The following ECE2 variants were observed in gnomAD, a reference collection of about 807,000 sequenced individuals.
The protein encoded by ECE2 is endothelin-converting enzyme 2.
ECE2 carries 81 observed loss-of-function variants against 100.6 expected under a neutral mutation model. That is an observed-to-expected ratio of 0.81 (90% CI 0.67 to 0.97). The LOEUF (loss-of-function observed/expected upper bound fraction) is 0.97. Among genes scored for constraint, ECE2 ranks in the 50% least tolerant of loss-of-function variants. ECE2 has a pLI of 0.00. For missense variants in ECE2, 911 were observed against 988.1 expected, an observed-to-expected ratio of 0.92 and a Z score of 1.05; for synonymous variants, 391 against 391.5, an observed-to-expected ratio of 1.00 and a Z score of 0.02.
rs187342611 is a variant in ECE2 at position 184,291,531 on chromosome 3, G to A, written c.2121+92G>A. The A allele has an allele frequency of 1.7e-5, 21 of 1,238,274 alleles. No individual in the cohort carries two copies. Among genetic ancestry groups the A allele is most frequent in the Middle Eastern group, 2.0e-4 (1 of 5,030 alleles). The allele number at this position is 1,238,274 out of a possible 1,614,324, so 76.7% of individuals were successfully genotyped here. A position where few individuals can be genotyped will look rare whatever the true frequency, so the allele number is the denominator to read the frequency against. ...GAGAACTCTGGGGCACGTGTCAAAC[G>A]GGCTGGTGAATGGGGCTGAGGCTGG... On this transcript the variant is annotated intron_variant, in intron 18 of 18. Coordinates refer to ENST00000404464, the MANE Select transcript of ECE2 (RefSeq NM_001100121.2). This position sits in a 1 kb window ranked among gnomAD's most constrained non-coding sequence, Gnocchi z 4.1.
chr3:184,284,860 T>C, intron 8 of ECE2, 103 bp from the exon 9 acceptor site: 3 of 1,453,160 alleles, frequency 2.1e-6, no homozygotes, highest in Non-Finnish European at 2.8e-6. Flanking sequence ...CCAGTAGTTG[T>C]TGCTATGGCA....
At chr3:184,277,087 C>T in intron 3 of ECE2, 60 bp downstream of exon 3, 4 of 1,608,532 alleles carry the variant, frequency 2.5e-6, no homozygotes, top group Non-Finnish European at 3.4e-6. Flanking sequence ...GGCCTAAGGG[C>T]CTCTAAGATT....
At chr3:184,280,854 C>G (rs1400756112) in intron 7 of ECE2, among the ~76,000 whole-genome samples, 1 of 152,046 alleles carries the variant, frequency 6.6e-6, no homozygotes, top group Non-Finnish European at 1.5e-5. Flanking sequence ...TGGCGGGTGC[C>G]TGTAATCCCA....
intron 7 of ECE2, among the ~76,000 whole-genome samples, chr3:184,279,458 C>T (rs776437501): frequency 4.0e-5 from 6 of 151,744 alleles, no homozygotes; most frequent in Non-Finnish European, 8.8e-5. Flanking sequence ...GAGTTCAAGA[C>T]CAGGCTGGCC....
Position 184,277,276 on chromosome 3 carries a change from A to ATTC in ECE2, c.288_289insTTC (p.Thr96_Glu97insPhe), listed in dbSNP as rs1462001427. ...ACCCATCCCACAGCACCTGCCTTACAGAGGCCTGCATTCGAGTGGCTGGAA... is the reference window on the plus strand; with the variant it reads ...ACCCATCCCACAGCACCTGCCTTACATTCGAGGCCTGCATTCGAGTGGCTGGAA... On this transcript the variant is annotated inframe_insertion, in exon 4 of 19. Coordinates refer to ENST00000404464, the MANE Select transcript of ECE2 (RefSeq NM_001100121.2). The ATTC allele has an allele frequency of 9.3e-6, 15 of 1,614,162 alleles. No individual in the cohort carries two copies. The highest frequency in any genetic ancestry group is 1.3e-5 in the Non-Finnish European group (15 of 1,180,018).
chr3:184,290,709 C>T, intron 15 of ECE2, 42 bp downstream of exon 15: 3 of 1,612,774 alleles, frequency 1.9e-6, no homozygotes, highest in Non-Finnish European at 2.5e-6. Flanking sequence ...GGGCCTGGGC[C>T]TGTGGTTGAG....
rs1721334664 is a variant in ECE2 at position 184,291,755 on chromosome 3, G to T, written c.2122-307G>T. The T allele has an allele frequency of 3.9e-6, 2 of 514,896 alleles. No homozygotes were observed. The allele number at this position is 514,896 out of a possible 1,614,324, so 31.9% of individuals were successfully genotyped here. ...ATCCTCACGCTGTTCCTGTGAGGGA[G>T]ACATGCAGGAAACGAAAGCTCGGGA... is the stretch of plus-strand genomic sequence containing the variant. On this transcript the variant is annotated intron_variant, in intron 18 of 18. Transcript: ENST00000404464. This position sits in a 1 kb window ranked among gnomAD's most constrained non-coding sequence, Gnocchi z 4.1.
chr3:184,284,542 CAA>C (rs35701535), intron 8 of ECE2, among the ~76,000 whole-genome samples: 880 of 66,380 alleles, frequency 0.013, 9 homozygotes, highest in East Asian at 0.038. Context: ...AACTCCATCT[CAA>C]AAAAAAAAAA....
rs1041927278 is a variant in ECE2 at position 184,291,524 on chromosome 3, G to A, written c.2121+85G>A. 7.8e-7 allele frequency: 1 copy of A among 1,277,350 alleles called. No individual in the cohort carries two copies. Among genetic ancestry groups the A allele is most frequent in the East Asian group, 2.6e-5 (1 of 38,576 alleles). 79.1% of individuals were successfully genotyped at this position (1,277,350 alleles called of 1,614,324 possible). A position where few individuals can be genotyped will look rare whatever the true frequency, so the allele number is the denominator to read the frequency against. Reference sequence around the variant, plus strand: ...TCATTAGGAGAACTCTGGGGCACGTGTCAAACGGGCTGGTGAATGGGGCTG... The same window carrying A: ...TCATTAGGAGAACTCTGGGGCACGTATCAAACGGGCTGGTGAATGGGGCTG... On this transcript the variant is annotated intron_variant, in intron 18 of 18. Transcript: ENST00000404464. The surrounding 1 kb of genome is among the most constrained non-coding windows in gnomAD (Gnocchi z 4.1).
In ECE2 at chr3:184,290,998, G is replaced by A. The variant is rs532523370; in HGVS notation, c.1835-42G>A. Reference sequence around the variant, plus strand: ...GGGGGCACTGCTGCCCCCAAGAGACGAGCTCTGGTTTTGGTGGGGTGCAAA... The same window carrying A: ...GGGGGCACTGCTGCCCCCAAGAGACAAGCTCTGGTTTTGGTGGGGTGCAAA... On this transcript the variant is annotated intron_variant, in intron 16 of 18. Transcript: ENST00000404464. 24 of 1,555,802 alleles carry A rather than the reference G, an allele frequency of 1.5e-5. No individual in the cohort carries two copies. In the Admixed American group the frequency reaches 2.3e-4, roughly 15 times the overall value.
intron 9 of ECE2, 70 bp from the exon 10 acceptor site, chr3:184,285,408 T>TG: frequency 8.1e-7 from 1 of 1,238,384 alleles, no homozygotes; most frequent in Non-Finnish European, 1.2e-6. Flanking sequence ...TGCATGTTCC[T>TG]GGGGGCTGGT....
chr3:184,290,360 T>G lies in ECE2; in HGVS notation c.1655+2T>G, dbSNP rs771257200. ...CCGCAAGCCTCCCAGCCGAGACCAG[T>G]GAGAATGACGGGGTGGACATAGACA... On this transcript the variant is annotated splice_donor_variant, in intron 14 of 18. Transcript: ENST00000404464. LOFTEE classifies it high-confidence loss of function. 6.2e-7 allele frequency: 1 copy of G among 1,612,276 alleles called. No individual in the cohort carries two copies. The highest frequency in any genetic ancestry group is 8.5e-7 in the Non-Finnish European group (1 of 1,179,198).
Position 184,291,337 on chromosome 3 carries a change from T to A in ECE2, c.2026-7T>A. 6.2e-7 allele frequency: 1 copy of A among 1,603,412 alleles called. No homozygotes were observed. The highest frequency in any genetic ancestry group is 1.1e-5 in the South Asian group (1 of 89,312). On this transcript the variant is annotated splice_region_variant and splice_polypyrimidine_tract_variant and intron_variant, in intron 17 of 18. Coordinates refer to ENST00000404464, the MANE Select transcript of ECE2 (RefSeq NM_001100121.2). The surrounding 1 kb of genome is among the most constrained non-coding windows in gnomAD (Gnocchi z 4.1). Reference sequence around the variant, plus strand: ...GATGGGCTTGTTGCCCACTGTTCTGTCCCCAGGCTTACAAAGCATGGCTGA... The same window carrying A: ...GATGGGCTTGTTGCCCACTGTTCTGACCCCAGGCTTACAAAGCATGGCTGA...
intron 7 of ECE2, 179 bp downstream of exon 7, chr3:184,278,736 T>TTTCC (rs1720686962): frequency 1.6e-6 from 1 of 636,084 alleles, no homozygotes; most frequent in African/African-American, 1.8e-5. Flanking sequence ...TTCTTCCCCT[T>TTTCC]TTCCTTCCTT....
intron 11 of ECE2, among the ~76,000 whole-genome samples, chr3:184,288,949 G>C (rs1186644582): frequency 6.6e-6 from 1 of 152,136 alleles, no homozygotes; most frequent in African/African-American, 2.4e-5. Context: ...GTGGTCAGGA[G>C]TTCAAGACCA....
intron 7 of ECE2, among the ~76,000 whole-genome samples, chr3:184,282,858 G>A (rs1720864584): frequency 6.6e-6 from 1 of 152,236 alleles, no homozygotes; most frequent in Non-Finnish European, 1.5e-5. Context: ...GCCTCTAATA[G>A]AGAGTCTGAT....
Position 184,290,808 on chromosome 3 carries a change from T to C in ECE2, c.1782T>C (p.Gly594=). Residue 594 remains glycine (G), a synonymous_variant, in exon 16 of 19, where the codon GGT becomes GGC. Coordinates refer to ENST00000404464, the MANE Select transcript of ECE2 (RefSeq NM_001100121.2). ...ARNHPKALNF[G]GIGVVMGHEL... The stretch of plus-strand genomic sequence containing the variant: ...CACCCACCAGGGCCCTGAACTTCGG[T>C]GGCATCGGTGTGGTCATGGGCCATG... 6.2e-7 allele frequency: 1 copy of C among 1,614,096 alleles called. No homozygotes were observed. Among genetic ancestry groups the C allele is most frequent in the Non-Finnish European group, 8.5e-7 (1 of 1,179,994 alleles).
intron 10 of ECE2, 73 bp downstream of exon 10, chr3:184,285,665 AC>A: frequency 8.7e-7 from 1 of 1,147,254 alleles, no homozygotes; most frequent in Non-Finnish European, 1.3e-6. Flanking sequence ...TGTGACAGGC[AC>A]CATGTGCCTC....
chr3:184,283,658 G>T, intron 7 of ECE2, 127 bp from the exon 8 acceptor site: 1 of 831,444 alleles, frequency 1.2e-6, no homozygotes, highest in Non-Finnish European at 1.8e-6. Context: ...AAATGAAACA[G>T]GTCATCCAGA....
Sources: allele counts gnomAD v4.1 joint callset (sites outside exome capture counted in the v4.1 genomes callset), GRCh38; gene constraint gnomAD v4.1.1; non-coding constraint Gnocchi (gnomAD v3.1); transcripts MANE v1.5; gene names NCBI Gene and HGNC (gene_info 2026-07-23, HGNC 2026-07-21).